The following FRY variants were observed in gnomAD, a reference collection of about 807,000 sequenced individuals.
The protein encoded by FRY is protein furry homolog.
FRY carries 128 observed loss-of-function variants against 348.4 expected under a neutral mutation model. That is an observed-to-expected ratio of 0.37 (90% CI 0.32 to 0.43). The LOEUF is 0.43. Among genes scored for constraint, FRY ranks in the 20% least tolerant of loss-of-function variants. The pLI is 1.00. For missense variants in FRY, 2,736 were observed against 3,695.2 expected (o/e 0.74, Z 6.73); for synonymous variants, 1,370 against 1,374.7 (o/e 1.00, Z 0.08).
intron 29 of FRY, among the ~76,000 whole-genome samples, chr13:32,201,581 A>G (rs1373570791): frequency 6.6e-6 from 1 of 152,012 alleles, no homozygotes; most frequent in East Asian, 1.9e-4. Flanking sequence ...GAAATTTAGT[A>G]CATGTATCCT....
At chr13:32,175,437 C>T (rs1435335628) in intron 19 of FRY, 109 bp from the exon 20 acceptor site, 8 of 772,048 alleles carry the variant, frequency 1.0e-5, no homozygotes, top group Admixed American at 7.2e-5. Context: ...TGAGAAAACC[C>T]TTATCACTAT....
chr13:32,075,140 C>G (rs1043002441), intron 1 of FRY, among the ~76,000 whole-genome samples: 1 of 152,138 alleles, frequency 6.6e-6, no homozygotes, highest in African/African-American at 2.4e-5. Context: ...AGATTTAATT[C>G]TTGAGAGCTA....
intron 1 of FRY, among the ~76,000 whole-genome samples, chr13:32,073,343 T>C (rs1308249158): frequency 6.6e-6 from 1 of 152,208 alleles, no homozygotes; most frequent in East Asian, 1.9e-4. Context: ...GCCCGAGCCA[T>C]GTGTGCCTGG....
At chr13:32,175,771 G>A (rs1282835863) in intron 20 of FRY, 139 bp downstream of exon 20, 56 of 660,892 alleles carry the variant, frequency 8.5e-5, no homozygotes, top group Non-Finnish European at 1.9e-5. Context: ...ATGAAGATAA[G>A]ACTAGTTTTT....
At chr13:32,073,414 G>A (rs933364059) in intron 1 of FRY, among the ~76,000 whole-genome samples, 1 of 152,168 alleles carries the variant, frequency 6.6e-6, no homozygotes, top group Non-Finnish European at 1.5e-5. Context: ...GCCCCAGACT[G>A]TAGCACCTGA....
At chr13:32,089,774 AAAG>A (rs145986094) in intron 2 of FRY, among the ~76,000 whole-genome samples, 35,743 of 151,776 alleles carry the variant, frequency 0.24, 5,453 homozygotes, top group East Asian at 0.57. Context: ...AAAAAGAAAA[AAAG>A]AAGAAGGAAT....
Position 32,268,501 on chromosome 13 carries a change from AAAAAATATATATATATATATATATAT to A in FRY, c.8136+1144_8136+1169del, listed in dbSNP as rs1166824161. Among the ~76,000 whole-genome samples, 2 of 17,082 alleles carry A rather than the reference AAAAAATATATATATATATATATATAT, an allele frequency of 1.2e-4. 1 individual carries two copies. The highest frequency in any genetic ancestry group is 2.8e-4 in the African/African-American group (2 of 7,018). 11.2% of individuals were successfully genotyped at this position (17,082 alleles called of 152,430 possible). A position where few individuals can be genotyped will look rare whatever the true frequency, so the allele number is the denominator to read the frequency against. ...AAAGCTAGTTTAAAAAAAAAAAAAAAAAAAATATATATATATATATATATATATATATATATATCTAGATTAGTATT... is the reference window on the plus strand; with the variant it reads ...AAAGCTAGTTTAAAAAAAAAAAAAAAATATATATATATCTAGATTAGTATT... On this transcript the variant is annotated intron_variant, in intron 55 of 60. Coordinates refer to ENST00000542859, the MANE Select transcript of FRY (RefSeq NM_023037.3).
At position 32,294,350 on chromosome 13, in the gene FRY, AC is replaced by A. The variant is rs1403492292; in HGVS notation, c.8581-17del. On this transcript the variant is annotated splice_polypyrimidine_tract_variant and intron_variant, in intron 59 of 60. Coordinates refer to ENST00000542859, the MANE Select transcript of FRY (RefSeq NM_023037.3). Reference sequence around the variant, plus strand: ...CCAGCACCTAAATATAGTTTAAAAAACATTTTTTTTTAAATAGCTGCTGAAT... The same window carrying A: ...CCAGCACCTAAATATAGTTTAAAAAAATTTTTTTTTAAATAGCTGCTGAAT... 1 of 1,590,030 alleles carries A rather than the reference AC, an allele frequency of 6.3e-7. No individual in the cohort carries two copies. The highest frequency in any genetic ancestry group is 1.7e-5 in the Admixed American group (1 of 59,936).
chr13:32,052,118 C>T (rs1156370569), intron 1 of FRY, among the ~76,000 whole-genome samples: 1 of 152,140 alleles, frequency 6.6e-6, no homozygotes, highest in Non-Finnish European at 1.5e-5. Flanking sequence ...TTTTTCCTGG[C>T]ATTTATTGAG....
In FRY at chr13:32,237,393, A is replaced by T; in HGVS notation, c.5825A>T (p.Asp1942Val). Residue 1942 changes from aspartate to valine, a missense_variant, in exon 44 of 61, where the codon GAT (aspartate) becomes GTT (valine). By Grantham distance (152) the Asp-to-Val change is radical (BLOSUM62 -3). Coordinates refer to ENST00000542859, the MANE Select transcript of FRY (RefSeq NM_023037.3). This position sits in a 1 kb window ranked among gnomAD's most constrained non-coding sequence, Gnocchi z 6.3. Reference sequence around the variant, plus strand: ...TTTATACCCAGCTCTTCCTCACCAGATTTAAGCTCCAGCAGTAAACTAACA... The same window carrying T: ...TTTATACCCAGCTCTTCCTCACCAGTTTTAAGCTCCAGCAGTAAACTAACA... ...LTVLSRSSSP[D>V]LSSSSKLTAS... 6.2e-7 allele frequency: 1 copy of T among 1,614,016 alleles called. No individual in the cohort carries two copies. The highest frequency in any genetic ancestry group is 8.5e-7 in the Non-Finnish European group (1 of 1,180,024).
intron 53 of FRY, 121 bp from the exon 54 acceptor site, chr13:32,265,329 A>T (rs1254145612): frequency 4.3e-6 from 4 of 938,356 alleles, no homozygotes; most frequent in Non-Finnish European, 1.7e-6. Context: ...CTAGAAAACA[A>T]ATGTCCCCAT....
In FRY at chr13:32,267,233, C is replaced by T. The variant is rs755503429; in HGVS notation, c.8010C>T (p.Ala2670=). 2.5e-6 allele frequency: 4 copies of T among 1,614,052 alleles called. No homozygotes were observed. Among genetic ancestry groups the T allele is most frequent in the African/African-American group, 2.7e-5 (2 of 74,918 alleles). The change falls in exon 55 of 61, where the codon GCC becomes GCT. Residue 2670 remains alanine, a synonymous_variant. Transcript: ENST00000542859. ...CGCCCTTCTTCTCAGCCATCCTTGC[C>T]GCCTTTCAGCCCGCAGCCTGTGACG... ...PPSPFFSAIL[A]AFQPAACDDA...
At chr13:32,170,484 T>TCCTC (rs1330032002) in intron 17 of FRY, among the ~76,000 whole-genome samples, 1 of 152,158 alleles carries the variant, frequency 6.6e-6, no homozygotes, top group East Asian at 1.9e-4. Flanking sequence ...GAAAACTCTG[T>TCCTC]ATTATCTTTG....
intron 18 of FRY, among the ~76,000 whole-genome samples, chr13:32,171,881 G>T (rs1222910612): frequency 6.6e-6 from 1 of 152,308 alleles, no homozygotes; most frequent in African/African-American, 2.4e-5. Flanking sequence ...ACAGGCCAGG[G>T]ACTTAGAGCT....
chr13:32,155,998 TCTC>T (rs1344231164), intron 15 of FRY, among the ~76,000 whole-genome samples: 3 of 152,136 alleles, frequency 2.0e-5, no homozygotes, highest in Non-Finnish European at 2.9e-5. Flanking sequence ...CATTCATTCA[TCTC>T]CTTCTTTTTT....
chr13:32,210,773 A>G (rs1459483353), intron 33 of FRY, 93 bp from the exon 34 acceptor site: 6 of 1,010,450 alleles, frequency 5.9e-6, no homozygotes, highest in Non-Finnish European at 7.6e-6. Flanking sequence ...CTCCTGCATG[A>G]TGACAACTTA....
chr13:32,254,082 TA>T, intron 50 of FRY, 141 bp from the exon 51 acceptor site: 1 of 815,450 alleles, frequency 1.2e-6, no homozygotes, highest in Non-Finnish European at 2.1e-6. Flanking sequence ...ACATAAATAA[TA>T]AAAGAACATT....
intron 3 of FRY, among the ~76,000 whole-genome samples, chr13:32,103,473 A>G (rs1043751745): frequency 4.6e-4 from 70 of 152,322 alleles, no homozygotes; most frequent in African/African-American, 1.7e-3. Flanking sequence ...ACATGGACAC[A>G]GGAAGGGGAA....
At chr13:32,162,262 TAAC>T (rs926327670) in intron 17 of FRY, among the ~76,000 whole-genome samples, 19 of 152,188 alleles carry the variant, frequency 1.2e-4, no homozygotes, top group Non-Finnish European at 2.5e-4. Context: ...TGGAGAAGGA[TAAC>T]AAATAGTCAT....
Sources: gnomAD v4.1 joint callset for allele counts (sites outside exome capture counted in the v4.1 genomes callset) on GRCh38, gnomAD v4.1.1 for gene constraint, Gnocchi (gnomAD v3.1) non-coding constraint, MANE v1.5 for transcripts, NCBI Gene and HGNC (gene_info 2026-07-23, HGNC 2026-07-21) for gene names.